Variants in TPP2 observed in about 807,000 individuals in gnomAD.
TPP2 encodes tripeptidyl peptidase 2, also known as tripeptidyl-peptidase 2.
In TPP2, 34 loss-of-function variants were observed where a neutral mutation model predicts 155.9. That is an observed-to-expected ratio of 0.22 (90% CI 0.17 to 0.29). The LOEUF (loss-of-function observed/expected upper bound fraction) is 0.29. Ranked by LOEUF, TPP2 falls within the 10% of genes least tolerant of loss-of-function variation. TPP2 has a pLI of 1.00. For synonymous variants in TPP2, 510 were observed against 529.4 expected (o/e 0.96, Z 0.50); for missense variants, 1,028 against 1,522.3 (o/e 0.68, Z 5.40).
At chr13:102,622,301 C>A (rs1881222407) in intron 5 of TPP2, among the ~76,000 whole-genome samples, 1 of 152,150 alleles carries the variant, frequency 6.6e-6, no homozygotes, top group African/African-American at 2.4e-5. Context: ...TTGTTTTAAT[C>A]AGGCTATCTT....
chr13:102,677,744 G>A (rs756423379), intron 29 of TPP2, among the ~76,000 whole-genome samples: 8 of 152,158 alleles, frequency 5.3e-5, no homozygotes, highest in African/African-American at 7.2e-5. Context: ...TTTATATTGT[G>A]TCAAATATTA....
At chr13:102,638,452 C>A in intron 15 of TPP2, 137 bp downstream of exon 15, 1 of 903,104 alleles carries the variant, frequency 1.1e-6, no homozygotes. Context: ...TCCCAGCTAG[C>A]ATTTTTAGGT....
Position 102,627,009 on chromosome 13 carries a change from T to C in TPP2, c.785-3T>C. On this transcript the variant is annotated splice_region_variant and splice_polypyrimidine_tract_variant and intron_variant, in intron 6 of 29. Coordinates refer to ENST00000376052, the MANE Select transcript of TPP2 (RefSeq NM_001330588.2). Reference sequence around the variant, plus strand: ...TGTCATTTCCCCACCTTTGTGTCTCTAGGAGCTCATGGGACACATGTAGCT... The same window carrying C: ...TGTCATTTCCCCACCTTTGTGTCTCCAGGAGCTCATGGGACACATGTAGCT... The C allele has an allele frequency of 4.5e-6, 7 of 1,550,734 alleles. No homozygotes were observed. Among genetic ancestry groups the C allele is most frequent in the Non-Finnish European group, 6.1e-6 (7 of 1,151,762 alleles).
intron 25 of TPP2, among the ~76,000 whole-genome samples, chr13:102,659,203 G>T (rs1884047181): frequency 1.3e-5 from 2 of 152,176 alleles, no homozygotes; most frequent in Admixed American, 1.3e-4. Context: ...TGAAAAAAAT[G>T]AACAGAGCAG....
At chr13:102,640,422 T>C (rs1037281138) in intron 16 of TPP2, 46 bp downstream of exon 16, 4 of 1,453,480 alleles carry the variant, frequency 2.8e-6, no homozygotes, top group Non-Finnish European at 2.9e-6. Context: ...CTGTTTACGT[T>C]CTAATGACTA....
Position 102,597,104 on chromosome 13 carries a change from A to G in TPP2, c.66A>G (p.Gly22=), listed in dbSNP as rs756149035. ...GTCTCCTGCCGAAGAAGGAGACCGG[A>G]GCCGCCTCCTTCCTCTGCCGCTACC... The part of the protein sequence containing the change: ...FHGLLPKKET[G]AASFLCRYPE... Residue 22 remains glycine, a synonymous_variant, in exon 1 of 30, where the codon GGA becomes GGG. Transcript: ENST00000376052. The G allele has an allele frequency of 2.2e-5, 35 of 1,611,228 alleles. No homozygotes were observed. The highest frequency in any genetic ancestry group is 2.9e-5 in the Non-Finnish European group (34 of 1,179,298).
At position 102,604,857 on chromosome 13, in the gene TPP2, A is replaced by G; in HGVS notation, c.230A>G (p.Asn77Ser). The G allele has an allele frequency of 6.2e-7, 1 of 1,614,212 alleles. No individual in the cohort carries two copies. The highest frequency in any genetic ancestry group is 8.5e-7 in the Non-Finnish European group (1 of 1,180,038). Residue 77 changes from asparagine (N) to serine (S), a missense_variant, in exon 2 of 30, where the codon AAT becomes AGT. Physicochemically the swap from Asn to Ser is conservative, Grantham distance 46. This residue lies in a region of TPP2 where 300 missense variants were observed against 398.3 expected (regional missense o/e 0.75). Coordinates refer to ENST00000376052, the MANE Select transcript of TPP2 (RefSeq NM_001330588.2). ...IIDTTGSGDVNTATEVEPKDG... is the reference protein window; with the variant it reads ...IIDTTGSGDVSTATEVEPKDG... The stretch of plus-strand genomic sequence containing the variant: ...GATACAACAGGAAGTGGCGATGTGA[A>G]TACTGCTACAGAAGTAGAGCCAAAG...
chr13:102,663,921 T>TG (rs1295000748), intron 26 of TPP2, among the ~76,000 whole-genome samples, 177 bp downstream of exon 26: 1 of 152,210 alleles, frequency 6.6e-6, no homozygotes, highest in East Asian at 1.9e-4. Flanking sequence ...GCCACTACTG[T>TG]GAGTTTAGTT....
chr13:102,615,337 A>T (rs1054427033), intron 3 of TPP2, among the ~76,000 whole-genome samples: 2 of 152,044 alleles, frequency 1.3e-5, no homozygotes, highest in East Asian at 3.9e-4. Context: ...TTTTGTAGGG[A>T]TGGGGTTTCA....
chr13:102,640,592 A>G (rs1882688210), intron 16 of TPP2, among the ~76,000 whole-genome samples: 1 of 151,152 alleles, frequency 6.6e-6, no homozygotes, highest in Admixed American at 6.6e-5. Context: ...AGATGTTTTT[A>G]ATATTTAAGG....
intron 2 of TPP2, among the ~76,000 whole-genome samples, chr13:102,612,722 G>C (rs1274528999): frequency 2.6e-5 from 4 of 152,116 alleles, no homozygotes; most frequent in African/African-American, 9.7e-5. Context: ...GAAGTATCTG[G>C]TTCCATGGAC....
At position 102,631,138 on chromosome 13, in the gene TPP2, C is replaced by T. The variant is rs1337935683; in HGVS notation, c.1244+943C>T. ...GTTTCAGTGTAAAGTTTTTTGAGGA[C>T]ATAACTAGTAACTGAGTATGTTTGA... On this transcript the variant is annotated intron_variant, in intron 10 of 29. Transcript: ENST00000376052. 4 of 152,102 alleles carry T rather than the reference C, an allele frequency of 2.6e-5. No homozygotes were observed. The East Asian group carries it at 7.7e-4, about 29-fold the overall frequency. 9.4% of individuals were successfully genotyped at this position (152,102 alleles called of 1,614,324 possible).
At chr13:102,654,972 A>AGACCTGTTG in intron 24 of TPP2, 4 of 505,186 alleles carry the variant, frequency 7.9e-6, no homozygotes, top group South Asian at 4.4e-5. Context: ...AGCCCAAGCA[A>AGACCTGTTG]TAGACCTGTT....
intron 27 of TPP2, among the ~76,000 whole-genome samples, chr13:102,667,324 T>C (rs184513747): frequency 7.2e-4 from 109 of 152,324 alleles, no homozygotes; most frequent in African/African-American, 2.5e-3. Context: ...AGCTATTATC[T>C]TGATGGATAC....
In TPP2 at chr13:102,627,991, A is replaced by G. The variant is rs895452329; in HGVS notation, c.1016+67A>G. 3.9e-6 allele frequency: 5 copies of G among 1,282,808 alleles called. No individual in the cohort carries two copies. In the African/African-American group the frequency reaches 4.5e-5, roughly 12 times the overall value. 79.5% of individuals were successfully genotyped at this position (1,282,808 alleles called of 1,614,324 possible). Reference sequence around the variant, plus strand: ...CAGTGAAGAGTATGAGATGTTTTTCATAAGTGGATTGAGTGTCACGGTGGA... The same window carrying G: ...CAGTGAAGAGTATGAGATGTTTTTCGTAAGTGGATTGAGTGTCACGGTGGA... On this transcript the variant is annotated intron_variant, in intron 8 of 29. Transcript: ENST00000376052.
At chr13:102,617,322 G>A (rs949084877) in intron 4 of TPP2, among the ~76,000 whole-genome samples, 1 of 152,154 alleles carries the variant, frequency 6.6e-6, no homozygotes, top group Non-Finnish European at 1.5e-5. Context: ...CAAAACATGG[G>A]AGGGTGTAGT....
At chr13:102,654,278 C>A (rs1461713048) in intron 24 of TPP2, among the ~76,000 whole-genome samples, 2 of 152,066 alleles carry the variant, frequency 1.3e-5, no homozygotes, top group Non-Finnish European at 2.9e-5. Context: ...CCTGAAACAT[C>A]TTGTAGGATT....
chr13:102,635,564 T>G, intron 11 of TPP2, 23 bp from the exon 12 acceptor site: 1 of 1,580,984 alleles, frequency 6.3e-7, no homozygotes, highest in Non-Finnish European at 8.7e-7. Context: ...GCTACACTAC[T>G]TGTTTTTGTT....
chr13:102,659,967 A>C (rs1193109472), intron 25 of TPP2, among the ~76,000 whole-genome samples: 1 of 132,236 alleles, frequency 7.6e-6, no homozygotes, highest in Non-Finnish European at 1.6e-5. Context: ...TTGGGCTAAA[A>C]AAATGACTGC....
Sources: allele counts gnomAD v4.1 joint callset (sites outside exome capture counted in the v4.1 genomes callset), GRCh38; gene constraint gnomAD v4.1.1; regional missense constraint gnomAD v4.1.1; transcripts MANE v1.5; gene names NCBI Gene and HGNC (gene_info 2026-07-23, HGNC 2026-07-21).